The following UNC80 variants were observed in gnomAD, a reference collection of about 807,000 sequenced individuals.
The protein encoded by UNC80 is protein unc-80 homolog.
A neutral mutation model predicts 384.6 loss-of-function variants in UNC80; 164 were observed. The observed-to-expected ratio is 0.43, with a 90% CI of 0.38 to 0.49. The LOEUF is 0.49. Among genes scored for constraint, UNC80 ranks in the 20% least tolerant of loss-of-function variants. UNC80 has a pLI of 0.00. For missense variants in UNC80, 3,330 were observed against 4,143.0 expected, an observed-to-expected ratio of 0.80 and a Z score of 5.39; for synonymous variants, 1,486 against 1,527.8, an observed-to-expected ratio of 0.97 and a Z score of 0.64.
At chr2:209,972,952 AG>A (rs1203211068) in intron 55 of UNC80, 111 bp from the exon 56 acceptor site, 103 of 878,366 alleles carry the variant, frequency 1.2e-4, no homozygotes, top group South Asian at 5.3e-4. Flanking sequence ...CTGAATTTCT[AG>A]GGTGTTGTAG....
At chr2:209,982,340 T>C (rs2093177581) in intron 60 of UNC80, 23 bp downstream of exon 60, 1 of 1,517,754 alleles carries the variant, frequency 6.6e-7, no homozygotes, top group Admixed American at 2.1e-5. Flanking sequence ...GGTTATACTG[T>C]ACTCTGCATT....
chr2:209,971,068 G>A (rs1240375889), intron 54 of UNC80, 111 bp downstream of exon 54: 1 of 1,376,128 alleles, frequency 7.3e-7, no homozygotes, highest in Non-Finnish European at 9.7e-7. Context: ...TGAAACAAAA[G>A]TGTAAACATC....
rs748734143 is a variant in UNC80, at chr2:209,939,600, A to G, written c.6594A>G (p.Ser2198=). The change falls in exon 43 of 65, where the codon TCA becomes TCG. Residue 2198 remains serine (S), a synonymous_variant. Transcript: ENST00000673920. ...AGGAAGACCTCCTCCGCCTGCCCTC[A>G]TTCCCTCGTAGTGCTATTGATGCTG... ...MLQEDLLRLP[S]FPRSAIDAEF... is the part of the protein sequence containing the mutation. The G allele has an allele frequency of 1.3e-6, 2 of 1,551,762 alleles. No homozygotes were observed. Among genetic ancestry groups the G allele is most frequent in the Non-Finnish European group, 8.7e-7 (1 of 1,146,920 alleles).
intron 60 of UNC80, 43 bp from the exon 61 acceptor site, chr2:209,984,813 A>AT: frequency 7.1e-7 from 1 of 1,399,448 alleles, no homozygotes; most frequent in Non-Finnish European, 9.3e-7. Flanking sequence ...TTTTTTTTTC[A>AT]TTTTCTTTCC....
chr2:209,779,538 G>A (rs577747592), intron 4 of UNC80, among the ~76,000 whole-genome samples: 22 of 152,280 alleles, frequency 1.4e-4, no homozygotes, highest in African/African-American at 5.1e-4. Flanking sequence ...TTGTCTGCAT[G>A]TTTGTTGCCC....
At chr2:209,894,682 CTT>C (rs2086646339) in intron 27 of UNC80, among the ~76,000 whole-genome samples, 1 of 152,152 alleles carries the variant, frequency 6.6e-6, no homozygotes, top group African/African-American at 2.4e-5. Flanking sequence ...AAGGACGACA[CTT>C]TGAGCAGCAA....
At chr2:209,943,656 G>A (rs537762978) in intron 45 of UNC80, 142 bp downstream of exon 45, 15 of 989,770 alleles carry the variant, frequency 1.5e-5, no homozygotes, top group South Asian at 3.4e-5. Flanking sequence ...CAGAGGAGTC[G>A]AAAAACTGTA....
intron 50 of UNC80, 113 bp downstream of exon 50, chr2:209,959,267 T>G: frequency 6.7e-6 from 9 of 1,337,460 alleles, no homozygotes; most frequent in Non-Finnish European, 9.4e-6. Flanking sequence ...ATACTATTTC[T>G]GGGTAAACCC....
intron 47 of UNC80, among the ~76,000 whole-genome samples, chr2:209,951,784 C>T (rs1048404077): frequency 3.3e-5 from 5 of 152,140 alleles, no homozygotes; most frequent in Admixed American, 6.6e-5. Flanking sequence ...TAACTCTTCA[C>T]ATATTACCTC....
intron 56 of UNC80, among the ~76,000 whole-genome samples, chr2:209,975,324 G>A (rs1432267251): frequency 3.3e-5 from 5 of 152,142 alleles, no homozygotes; most frequent in African/African-American, 7.2e-5. Flanking sequence ...GGGAGCTCCC[G>A]TCATAATCTT....
At chr2:209,958,967 C>G (rs891460851) in intron 49 of UNC80, among the ~76,000 whole-genome samples, 152 bp from the exon 50 acceptor site, 6 of 152,062 alleles carry the variant, frequency 3.9e-5, no homozygotes, top group African/African-American at 9.7e-5. Flanking sequence ...AAAGATAAAG[C>G]CTTTATGTTT....
At chr2:209,916,752 G>T (rs934795047) in intron 31 of UNC80, among the ~76,000 whole-genome samples, 1 of 152,290 alleles carries the variant, frequency 6.6e-6, no homozygotes, top group Non-Finnish European at 1.5e-5. Flanking sequence ...AAAGGGCAAG[G>T]AAACCAAACC....
In UNC80 at chr2:209,791,814, C is replaced by T. The variant is rs375267337; in HGVS notation, c.799-1906C>T. Among the ~76,000 whole-genome samples the T allele has an allele frequency of 6.1e-3, 450 of 73,244 alleles. 4 individuals carry two copies. The highest frequency in any genetic ancestry group is 0.023 in the African/African-American group (416 of 18,290). 48.1% of individuals were successfully genotyped at this position (73,244 alleles called of 152,430 possible). A position where few individuals can be genotyped will look rare whatever the true frequency, so the allele number is the denominator to read the frequency against. On this transcript the variant is annotated intron_variant, in intron 6 of 64. Coordinates refer to ENST00000673920, the MANE Select transcript of UNC80 (RefSeq NM_001371986.1). ...CAGCCTGGGCGACAGAGTGAGACTC[C>T]GTCTCAAAAAAAAAAAAAAAAAAAA...
chr2:209,893,446 T>G (rs1250803832), intron 26 of UNC80, among the ~76,000 whole-genome samples: 2 of 152,194 alleles, frequency 1.3e-5, no homozygotes, highest in Non-Finnish European at 2.9e-5. Flanking sequence ...CCTCACTGAT[T>G]ACTATTTCTT....
chr2:209,974,676 A>T (rs1457051788), intron 56 of UNC80, among the ~76,000 whole-genome samples: 1 of 152,250 alleles, frequency 6.6e-6, no homozygotes, highest in African/African-American at 2.4e-5. Flanking sequence ...AGTTAGTGTT[A>T]TTCTCATTTT....
At chr2:209,987,074 T>C (rs2093304740) in intron 61 of UNC80, among the ~76,000 whole-genome samples, 1 of 152,124 alleles carries the variant, frequency 6.6e-6, no homozygotes, top group Non-Finnish European at 1.5e-5. Context: ...GCCTTAAAGC[T>C]TAGAGAATAT....
chr2:209,980,261 T>C (rs1178157528), intron 59 of UNC80, among the ~76,000 whole-genome samples: 1 of 152,212 alleles, frequency 6.6e-6, no homozygotes, highest in East Asian at 1.9e-4. Context: ...TCCCAGCAAT[T>C]CTTATTAATT....
At chr2:209,903,416 CATT>C (rs920956024) in intron 28 of UNC80, among the ~76,000 whole-genome samples, 2 of 110,398 alleles carry the variant, frequency 1.8e-5, no homozygotes, top group African/African-American at 3.5e-5. Flanking sequence ...TATATATACA[CATT>C]ATATATATTT....
At chr2:209,811,244 A>T (rs1457259787) in intron 7 of UNC80, among the ~76,000 whole-genome samples, 1 of 152,198 alleles carries the variant, frequency 6.6e-6, no homozygotes, top group Non-Finnish European at 1.5e-5. Context: ...CTGAGAGGCA[A>T]TAAATCAATA....
Sources: gnomAD v4.1 joint callset for allele counts (sites outside exome capture counted in the v4.1 genomes callset) on GRCh38, gnomAD v4.1.1 for gene constraint, MANE v1.5 for transcripts, NCBI Gene and HGNC (gene_info 2026-07-23, HGNC 2026-07-21) for gene names.